Variants in COL6A6 observed in about 807,000 individuals in gnomAD.
COL6A6 encodes the protein collagen alpha-6(VI) chain.
Under a neutral mutation model 208.6 loss-of-function variants are expected in COL6A6, and 183 were observed. That is an observed-to-expected ratio of 0.88 (90% CI 0.78 to 0.99). The LOEUF (loss-of-function observed/expected upper bound fraction) is 0.99. Ranked by LOEUF, COL6A6 falls within the 50% of genes least tolerant of loss-of-function variation. The pLI is 0.00. For missense variants in COL6A6, 2,816 were observed against 2,815.2 expected, an observed-to-expected ratio of 1.00 and a Z score of -0.01; for synonymous variants, 973 against 1,011.8, an observed-to-expected ratio of 0.96 and a Z score of 0.73.
chr3:130,610,169 A>T (rs961491564), intron 22 of COL6A6, among the ~76,000 whole-genome samples: 4 of 152,112 alleles, frequency 2.6e-5, no homozygotes, highest in African/African-American at 9.7e-5. Flanking sequence ...TCTGCATAAC[A>T]TATGAAAGCC....
chr3:130,665,179 T>C, intron 36 of COL6A6, 83 bp downstream of exon 36: 1 of 855,690 alleles, frequency 1.2e-6, no homozygotes, highest in African/African-American at 1.7e-5. Context: ...TTCTTGCTTT[T>C]CTTCCTCCTC....
intron 26 of COL6A6, among the ~76,000 whole-genome samples, chr3:130,634,052 T>TA (rs34137705): frequency 0.19 from 5,229 of 27,782 alleles, 440 homozygotes; most frequent in Middle Eastern, 0.26. Flanking sequence ...TAGAGTATAA[T>TA]AAAAAAAAAA....
intron 20 of COL6A6, among the ~76,000 whole-genome samples, chr3:130,603,697 C>T (rs1189268789): frequency 1.3e-5 from 2 of 152,198 alleles, no homozygotes; most frequent in African/African-American, 4.8e-5. Flanking sequence ...CTTTTCATCC[C>T]TCTTGGCACT....
At chr3:130,657,741 C>T (rs1024825258) in intron 33 of COL6A6, among the ~76,000 whole-genome samples, 7 of 152,124 alleles carry the variant, frequency 4.6e-5, no homozygotes, top group Non-Finnish European at 7.3e-5. Flanking sequence ...GACAGAGTTA[C>T]GCCATATAAA....
At chr3:130,610,615 G>T in intron 22 of COL6A6, 34 bp from the exon 23 acceptor site, 1 of 1,481,894 alleles carries the variant, frequency 6.7e-7, no homozygotes, top group African/African-American at 1.4e-5. Flanking sequence ...TTCTCTTTTA[G>T]GCAAAAAATA....
chr3:130,654,185 C>T (rs2065724929), intron 33 of COL6A6, among the ~76,000 whole-genome samples: 1 of 152,228 alleles, frequency 6.6e-6, no homozygotes, highest in African/African-American at 2.4e-5. Context: ...GAGAGCAAAA[C>T]TTAAATCGGA....
At chr3:130,582,630 A>C (rs946929813) in intron 10 of COL6A6, among the ~76,000 whole-genome samples, 4 of 152,172 alleles carry the variant, frequency 2.6e-5, no homozygotes, top group Non-Finnish European at 5.9e-5. Context: ...TCTGAGTCAA[A>C]CAAGAACATG....
intron 31 of COL6A6, 60 bp downstream of exon 31, chr3:130,643,083 GA>G (rs879752682): frequency 6.4e-7 from 1 of 1,554,598 alleles, no homozygotes; most frequent in Non-Finnish European, 8.8e-7. Context: ...GAAAAGCAGA[GA>G]AACCTACACT....
At chr3:130,619,810 T>C (rs2064655881) in intron 23 of COL6A6, among the ~76,000 whole-genome samples, 1 of 152,182 alleles carries the variant, frequency 6.6e-6, no homozygotes, top group South Asian at 2.1e-4. Flanking sequence ...GTTTCTGGCA[T>C]GGGTCTCAAT....
intron 31 of COL6A6, among the ~76,000 whole-genome samples, chr3:130,644,288 G>A (rs2065403932): frequency 1.3e-5 from 2 of 152,226 alleles, no homozygotes; most frequent in Admixed American, 6.5e-5. Context: ...TTGTCCAATA[G>A]AAGTTTCTGC....
At chr3:130,548,228 T>C (rs911641877) in intron 1 of COL6A6, among the ~76,000 whole-genome samples, 5 of 152,230 alleles carry the variant, frequency 3.3e-5, no homozygotes, top group African/African-American at 1.2e-4. Flanking sequence ...TCCTGGTAGC[T>C]GGATGCAATG....
At chr3:130,675,079 C>T in intron 36 of COL6A6, 123 bp from the exon 37 acceptor site, 2 of 620,934 alleles carry the variant, frequency 3.2e-6, no homozygotes, top group Non-Finnish European at 2.6e-6. Flanking sequence ...TTTAAAATTA[C>T]CCTGGAGGAA....
chr3:130,622,473 A>G (rs1009595988), intron 24 of COL6A6, among the ~76,000 whole-genome samples: 4 of 152,162 alleles, frequency 2.6e-5, no homozygotes, highest in Non-Finnish European at 5.9e-5. Flanking sequence ...ATAACAATCT[A>G]TGACATAAAA....
chr3:130,545,581 G>T (rs888296150), intron 1 of COL6A6, among the ~76,000 whole-genome samples: 1 of 151,520 alleles, frequency 6.6e-6, no homozygotes, highest in Non-Finnish European at 1.5e-5. Context: ...AGCCTCCTGA[G>T]TAGCTGGGAC....
chr3:130,565,467 G>C lies in COL6A6; in HGVS notation c.1135G>C (p.Ala379Pro), dbSNP rs2062996572. Residue 379 changes from alanine (A) to proline (P), a missense_variant, in exon 4 of 37, where the codon GCA becomes CCA. By Grantham distance (27) the Ala-to-Pro change is conservative (BLOSUM62 -1). Coordinates refer to ENST00000358511, the MANE Select transcript of COL6A6 (RefSeq NM_001102608.3). ...CAGCGACACCCAGTTGGAAAAGATA[G>C]CATCCCACCCTGCTGAGCAGTATGT... is the stretch of plus-strand genomic sequence containing the variant. ...GASDTQLEKIASHPAEQYVSK... is the reference protein window; with the variant it reads ...GASDTQLEKIPSHPAEQYVSK... 4 of 1,613,834 alleles carry C rather than the reference G, an allele frequency of 2.5e-6. No individual in the cohort carries two copies. In the South Asian group the frequency reaches 4.4e-5, roughly 18 times the overall value.
intron 36 of COL6A6, among the ~76,000 whole-genome samples, chr3:130,673,745 C>T (rs370246749): frequency 6.6e-6 from 1 of 152,022 alleles, no homozygotes; most frequent in South Asian, 2.1e-4. Flanking sequence ...ACTGTTTGAC[C>T]CCAGGAGTTC....
intron 20 of COL6A6, among the ~76,000 whole-genome samples, chr3:130,600,152 T>C (rs978715312): frequency 6.6e-6 from 1 of 152,244 alleles, no homozygotes; most frequent in Non-Finnish European, 1.5e-5. Context: ...TTCTATTCTT[T>C]CTTTGCCAAA....
intron 1 of COL6A6, among the ~76,000 whole-genome samples, chr3:130,521,680 C>G (rs1711079622): frequency 6.6e-6 from 1 of 152,188 alleles, no homozygotes; most frequent in Non-Finnish European, 1.5e-5. Flanking sequence ...GTGACTCTGT[C>G]TGAGGGCTTT....
intron 1 of COL6A6, among the ~76,000 whole-genome samples, chr3:130,518,834 AAAG>A (rs998494377): frequency 6.6e-6 from 1 of 152,202 alleles, no homozygotes; most frequent in Non-Finnish European, 1.5e-5. Flanking sequence ...GAGGAGAGAA[AAAG>A]AAGGAGAAAA....
Sources: allele counts gnomAD v4.1 joint callset (sites outside exome capture counted in the v4.1 genomes callset), GRCh38; gene constraint gnomAD v4.1.1; transcripts MANE v1.5; gene names NCBI Gene and HGNC (gene_info 2026-07-23, HGNC 2026-07-21).